CAD: variants seen among roughly 807,000 people sequenced by gnomAD.
CAD encodes carbamoyl-phosphate synthetase 2, aspartate transcarbamylase, and dihydroorotase.
A neutral mutation model predicts 237.2 loss-of-function variants in CAD; 81 were observed. The ratio of observed to expected loss-of-function variants is 0.34; its 90% confidence interval spans 0.29 to 0.41. CAD has a LOEUF of 0.41. Ranked by LOEUF, CAD falls within the 10% of genes least tolerant of loss-of-function variation. The pLI, the probability that CAD is intolerant of heterozygous loss-of-function variation, is 1.00. For missense variants in CAD, 2,181 were observed against 2,951.7 expected, an observed-to-expected ratio of 0.74 and a Z score of 6.05; for synonymous variants, 1,196 against 1,162.8, an observed-to-expected ratio of 1.03 and a Z score of -0.58.
Position 27,217,645 on chromosome 2 carries a change from C to A in CAD, c.82+12C>A. On this transcript the variant is annotated intron_variant, in intron 1 of 43. Coordinates refer to ENST00000264705, the MANE Select transcript of CAD (RefSeq NM_004341.5). ...TGCCGGGGAAGTGGGTAAGCAAGCC[C>A]GGTTAGGCTGCAGACCTTATCCCAC... 6.3e-7 allele frequency: 1 copy of A among 1,596,802 alleles called. No homozygotes were observed. The highest frequency in any genetic ancestry group is 2.3e-5 in the East Asian group (1 of 43,610).
At position 27,238,581 on chromosome 2, in the gene CAD, G is replaced by A. The variant is rs745479718; in HGVS notation, c.5011G>A (p.Glu1671Lys). 3.1e-6 allele frequency: 5 copies of A among 1,614,044 alleles called. No homozygotes were observed. Among genetic ancestry groups the A allele is most frequent in the Non-Finnish European group, 4.2e-6 (5 of 1,180,004 alleles). Residue 1671 changes from glutamate to lysine, a missense_variant, in exon 31 of 44, where the codon GAA becomes AAA. By Grantham distance (56) the Glu-to-Lys change is moderately conservative. Coordinates refer to ENST00000264705, the MANE Select transcript of CAD (RefSeq NM_004341.5). ...RPELGSRQDV[E>K]ALWENMAVID... ...TGAGCTTGGCTCCCGCCAGGATGTG[G>A]AAGCCCTGTGGGAGAACATGGCTGT...
chr2:27,236,208 A>C lies in CAD; in HGVS notation c.4075-76A>C, dbSNP rs559930697. ...TCTCCTCATCATGGGCTCCTGGGCC[A>C]GCTCCTCTCCCTTAAGGCTAGCCTT... On this transcript the variant is annotated intron_variant, in intron 25 of 43. Transcript: ENST00000264705. This position sits in a 1 kb window ranked among gnomAD's most constrained non-coding sequence, Gnocchi z 4.1. The C allele has an allele frequency of 3.3e-4, 521 of 1,564,812 alleles. No homozygotes were observed. The African/African-American group carries it at 6.6e-3, about 20-fold the overall frequency.
chr2:27,221,538 C>T (rs1239169712), intron 3 of CAD, among the ~76,000 whole-genome samples, 191 bp downstream of exon 3: 1 of 152,134 alleles, frequency 6.6e-6, no homozygotes, highest in Non-Finnish European at 1.5e-5. Flanking sequence ...AAGGAACTCC[C>T]ACCTTCCATA....
chr2:27,232,791 C>A lies in CAD; in HGVS notation c.2892+97C>A. ...CTGGCATTTCCTATTAATTGCCGTC[C>A]CTTACTTTGGTCATAGAGCTTTGGG... On this transcript the variant is annotated intron_variant, in intron 18 of 43. Coordinates refer to ENST00000264705, the MANE Select transcript of CAD (RefSeq NM_004341.5). This position sits in a 1 kb window ranked among gnomAD's most constrained non-coding sequence, Gnocchi z 4.1. 1 of 1,493,490 alleles carries A rather than the reference C, an allele frequency of 6.7e-7. No individual in the cohort carries two copies. Among genetic ancestry groups the A allele is most frequent in the Non-Finnish European group, 9.2e-7 (1 of 1,082,666 alleles). 92.5% of individuals were successfully genotyped at this position (1,493,490 alleles called of 1,614,324 possible). A position where few individuals can be genotyped will look rare whatever the true frequency, so the allele number is the denominator to read the frequency against.
At chr2:27,227,043 C>A in intron 15 of CAD, 81 bp downstream of exon 15, 1 of 1,222,756 alleles carries the variant, frequency 8.2e-7, no homozygotes. Flanking sequence ...CTGGCATGGC[C>A]TTTTACGTCC....
Position 27,243,517 on chromosome 2 carries a change from AG to A in CAD, c.*2del. 1 of 1,582,358 alleles carries A rather than the reference AG, an allele frequency of 6.3e-7. No homozygotes were observed. The highest frequency in any genetic ancestry group is 8.6e-7 in the Non-Finnish European group (1 of 1,166,424). ...ALLATVLGRF* is the reference protein window; with the variant it reads ...ALLATVLGRFX ...TTAGCCACCGTGCTGGGCCGTTTCTAGGGCCTGGCTTCCTCAGCCTCTTCTC... is the reference window on the plus strand; with the variant it reads ...TTAGCCACCGTGCTGGGCCGTTTCTAGGCCTGGCTTCCTCAGCCTCTTCTC... On this transcript the variant is annotated frameshift_variant and stop_lost, in exon 44 of 44. Transcript: ENST00000264705. LOFTEE classifies it high-confidence loss of function.
chr2:27,222,775 G>T, intron 5 of CAD, 91 bp from the exon 6 acceptor site: 1 of 1,572,842 alleles, frequency 6.4e-7, no homozygotes, highest in Non-Finnish European at 8.7e-7. Context: ...TAGACATTGG[G>T]ACTTAACACT....
chr2:27,229,690 A>G (rs1675627576), intron 15 of CAD, among the ~76,000 whole-genome samples: 2 of 151,774 alleles, frequency 1.3e-5, no homozygotes, highest in Admixed American at 1.3e-4. Flanking sequence ...AGCCTGGCCA[A>G]TATGGTGAAA....
rs1249755592 is a variant in CAD at position 27,238,548 on chromosome 2, G to A, written c.4978G>A (p.Val1660Ile). The change falls in exon 31 of 44, where the codon GTC (valine) becomes ATC (isoleucine). Residue 1660 changes from valine (V) to isoleucine (I), a missense_variant. Physicochemically the swap from Val to Ile is conservative, Grantham distance 29. Transcript: ENST00000264705. ...LERLGPGKGE[V>I]RPELGSRQDV... ...GCGCCTGGGGCCTGGGAAGGGGGAG[G>A]TCCGGCCTGAGCTTGGCTCCCGCCA... 6.2e-7 allele frequency: 1 copy of A among 1,614,116 alleles called. No homozygotes were observed. The highest frequency in any genetic ancestry group is 1.1e-5 in the South Asian group (1 of 91,066).
At chr2:27,227,177 T>C (rs145657183) in intron 15 of CAD, among the ~76,000 whole-genome samples, 85 of 152,322 alleles carry the variant, frequency 5.6e-4, no homozygotes, top group African/African-American at 2.0e-3. Context: ...CATCAGACTA[T>C]CTCATCTCAT....
rs1357567063 is a variant in CAD, at chr2:27,233,556, G to A, written c.3216+20G>A. 7 of 1,613,870 alleles carry A rather than the reference G, an allele frequency of 4.3e-6. No homozygotes were observed. In the South Asian group the frequency reaches 5.5e-5, roughly 13 times the overall value. On this transcript the variant is annotated intron_variant, in intron 20 of 43. Coordinates refer to ENST00000264705, the MANE Select transcript of CAD (RefSeq NM_004341.5). This position sits in a 1 kb window ranked among gnomAD's most constrained non-coding sequence, Gnocchi z 6.3. The stretch of plus-strand genomic sequence containing the variant: ...CTCGAGGTGGGCTGGGACCTGGTGG[G>A]TTACCCGGAGGCTGGATGATGCTTG...
chr2:27,225,619 T>G, intron 11 of CAD, 86 bp from the exon 12 acceptor site: 3 of 1,066,664 alleles, frequency 2.8e-6, no homozygotes, highest in Non-Finnish European at 4.2e-6. Flanking sequence ...GCCATGTTAT[T>G]TTCTTTATAT....
intron 8 of CAD, 27 bp from the exon 9 acceptor site, chr2:27,224,318 A>G: frequency 6.2e-7 from 1 of 1,613,828 alleles, no homozygotes. Flanking sequence ...CAGCTCTAAC[A>G]TTCTACGACC....
intron 30 of CAD, 24 bp downstream of exon 30, chr2:27,238,211 C>G (rs1325507706): frequency 6.2e-7 from 1 of 1,611,872 alleles, no homozygotes; most frequent in East Asian, 2.2e-5. Flanking sequence ...TGAGATCCTG[C>G]TGTCCCTGTT....
chr2:27,233,007 C>G lies in CAD; in HGVS notation c.2893-35C>G, dbSNP rs1163836774. 3.6e-6 allele frequency: 5 copies of G among 1,388,542 alleles called. No individual in the cohort carries two copies. The highest frequency in any genetic ancestry group is 5.1e-6 in the Non-Finnish European group (5 of 974,254). 86.0% of individuals were successfully genotyped at this position (1,388,542 alleles called of 1,614,324 possible). A position where few individuals can be genotyped will look rare whatever the true frequency, so the allele number is the denominator to read the frequency against. On this transcript the variant is annotated intron_variant, in intron 18 of 43. Coordinates refer to ENST00000264705, the MANE Select transcript of CAD (RefSeq NM_004341.5). This position sits in a 1 kb window ranked among gnomAD's most constrained non-coding sequence, Gnocchi z 6.3. ...ATTTTCTCCACGATTTTCCTCCCAC[C>G]TGACTGCTAAGTACCCTTCCCCTCC...
At chr2:27,226,997 C>G (rs757422104) in intron 15 of CAD, 35 bp downstream of exon 15, 1 of 1,599,908 alleles carries the variant, frequency 6.3e-7, no homozygotes, top group East Asian at 2.2e-5. Flanking sequence ...CCATGGGGCC[C>G]CACCATGACC....
At chr2:27,219,796 T>G (rs780041469) in intron 2 of CAD, among the ~76,000 whole-genome samples, 1 of 151,596 alleles carries the variant, frequency 6.6e-6, no homozygotes, top group Non-Finnish European at 1.5e-5. Flanking sequence ...TCCATGTTGG[T>G]CAGGCTGGTT....
chr2:27,226,090 A>T, intron 12 of CAD, 41 bp from the exon 13 acceptor site: 1 of 1,591,478 alleles, frequency 6.3e-7, no homozygotes, highest in Non-Finnish European at 8.6e-7. Flanking sequence ...GCCTCTCCTG[A>T]CTCTGCTTGG....
chr2:27,230,011 G>A (rs1014040122), intron 15 of CAD, among the ~76,000 whole-genome samples: 11 of 152,200 alleles, frequency 7.2e-5, no homozygotes, highest in Admixed American at 5.9e-4. Context: ...GCCGAGGCAG[G>A]TGGATCACCT....
Sources: allele counts gnomAD v4.1 joint callset (sites outside exome capture counted in the v4.1 genomes callset), GRCh38; gene constraint gnomAD v4.1.1; non-coding constraint Gnocchi (gnomAD v3.1); transcripts MANE v1.5; gene names NCBI Gene and HGNC (gene_info 2026-07-23, HGNC 2026-07-21).